The following C20orf96 variants were observed in gnomAD, a reference collection of about 807,000 sequenced individuals.
C20orf96 encodes uncharacterized protein C20orf96.
Under a neutral mutation model 52.6 loss-of-function variants are expected in C20orf96, and 57 were observed. That is an observed-to-expected ratio of 1.08 (90% CI 0.88 to 1.35). The LOEUF (loss-of-function observed/expected upper bound fraction) is 1.35, where lower values mean the gene tolerates loss of function less well. Ranked by LOEUF, C20orf96 falls within the 40% of genes most tolerant of loss-of-function variation. The pLI is 0.00. For missense variants in C20orf96, 478 were observed against 443.6 expected (o/e 1.08, Z -0.70); for synonymous variants, 168 against 157.2 (o/e 1.07, Z -0.51).
intron 4 of C20orf96, among the ~76,000 whole-genome samples, chr20:280,767 G>T (rs2012233426): frequency 6.6e-6 from 1 of 152,214 alleles, no homozygotes; most frequent in Non-Finnish European, 1.5e-5. Flanking sequence ...CCATCTAAGA[G>T]AATCTGGGCA....
At chr20:284,167 A>G in intron 3 of C20orf96, 86 bp from the exon 4 acceptor site, 1 of 944,350 alleles carries the variant, frequency 1.1e-6, no homozygotes, top group East Asian at 2.4e-5. Context: ...CATTAATGAG[A>G]GGAGGGCCAG....
chr20:285,604 C>A (rs1198268454), intron 3 of C20orf96, among the ~76,000 whole-genome samples: 1 of 152,124 alleles, frequency 6.6e-6, no homozygotes, highest in Non-Finnish European at 1.5e-5. Flanking sequence ...GTTTAATACA[C>A]TCTTATTAGC....
rs1260016024 is a variant in C20orf96 at position 283,949 on chromosome 20, G to A, written c.306+14C>T. The A allele has an allele frequency of 1.3e-6, 2 of 1,571,594 alleles. No individual in the cohort carries two copies. The highest frequency in any genetic ancestry group is 1.1e-5 in the South Asian group (1 of 90,220). ...TGTCCTGGGCCCAGTGTCCAGGGAA[G>A]ATGTGCCTCATACCTTCATTAACCA... On this transcript the variant is annotated intron_variant, in intron 4 of 10. Transcript: ENST00000360321.
At chr20:272,452 G>T (rs951943819) in intron 10 of C20orf96, among the ~76,000 whole-genome samples, 12 of 152,150 alleles carry the variant, frequency 7.9e-5, no homozygotes, top group Non-Finnish European at 1.6e-4. Flanking sequence ...CTGCAGCCTG[G>T]AACTCCTCAA....
intron 9 of C20orf96, 50 bp from the exon 10 acceptor site, chr20:276,136 A>G (rs780790822): frequency 5.0e-6 from 8 of 1,610,412 alleles, no homozygotes; most frequent in Non-Finnish European, 4.2e-6. Context: ...ATGGCCCCCA[A>G]CCAAAGGGAG....
At chr20:275,204 G>A (rs1052995451) in intron 10 of C20orf96, among the ~76,000 whole-genome samples, 25 of 152,250 alleles carry the variant, frequency 1.6e-4, no homozygotes, top group East Asian at 5.8e-4. Context: ...GCTCATTATC[G>A]ACTCATGTCC....
At chr20:272,928 C>T (rs1484743995) in intron 10 of C20orf96, among the ~76,000 whole-genome samples, 2 of 152,226 alleles carry the variant, frequency 1.3e-5, no homozygotes, top group Admixed American at 6.5e-5. Flanking sequence ...CTCACACCCA[C>T]TAGAATTCCA....
chr20:271,459 C>T (rs887281849), intron 10 of C20orf96, among the ~76,000 whole-genome samples, 192 bp from the exon 11 acceptor site: 1 of 151,252 alleles, frequency 6.6e-6, no homozygotes, highest in African/African-American at 2.5e-5. Flanking sequence ...CACACACACA[C>T]ACACACACAC....
rs144519838 is a variant in C20orf96 at position 289,508 on chromosome 20, A to T, written c.187+51T>A. ...GTGTCACCAAGAGCCAAAAGCAGCC[A>T]CTCTATCCTGTCTCCAACCCCCACA... On this transcript the variant is annotated intron_variant, in intron 3 of 10. Transcript: ENST00000360321. 1,397 of 1,256,714 alleles carry T rather than the reference A, an allele frequency of 1.1e-3. 10 individuals carry two copies. In the African/African-American group the frequency reaches 0.018, roughly 16 times the overall value. 77.8% of individuals were successfully genotyped at this position (1,256,714 alleles called of 1,614,324 possible).
In C20orf96 at chr20:271,169, A is replaced by G; in HGVS notation, c.*38T>C. On this transcript the variant is annotated 3_prime_UTR_variant, in exon 11 of 11. Coordinates refer to ENST00000360321, the MANE Select transcript of C20orf96 (RefSeq NM_153269.3). ...TGATCCAAGGCTCCAGGTGCTGGGA[A>G]GAGAGCAGGAGGGGAGGGCGGCCCA... The G allele has an allele frequency of 6.6e-7, 1 of 1,516,346 alleles. No individual in the cohort carries two copies. Among genetic ancestry groups the G allele is most frequent in the South Asian group, 1.2e-5 (1 of 83,354 alleles). 93.9% of individuals were successfully genotyped at this position (1,516,346 alleles called of 1,614,324 possible). A position where few individuals can be genotyped will look rare whatever the true frequency, so the allele number is the denominator to read the frequency against.
In C20orf96 at chr20:277,306, T is replaced by C. The variant is rs749120015; in HGVS notation, c.643A>G (p.Met215Val). 2.5e-6 allele frequency: 4 copies of C among 1,614,186 alleles called. No individual in the cohort carries two copies. The highest frequency in any genetic ancestry group is 2.2e-5 in the South Asian group (2 of 91,084). Reference sequence around the variant, plus strand: ...GACTTGATGGAATACTCATGGTCCATGTAAGTGCTCAGGAAGTTCACTTCC... The same window carrying C: ...GACTTGATGGAATACTCATGGTCCACGTAAGTGCTCAGGAAGTTCACTTCC... ...QEEVNFLSTY[M>V]DHEYSIKSVQ... Residue 215 changes from methionine (M) to valine (V), a missense_variant, in exon 7 of 11, where the codon ATG (methionine) becomes GTG (valine). Met to Val is a conservative substitution (Grantham distance 21, BLOSUM62 1). Transcript: ENST00000360321.
At chr20:274,210 G>C (rs6081660) in intron 10 of C20orf96, among the ~76,000 whole-genome samples, 78,903 of 151,504 alleles carry the variant, frequency 0.52, 20,766 homozygotes, top group East Asian at 0.65. Context: ...GAGGGAAAAT[G>C]TGCTTCCTTG....
chr20:278,555 G>C, intron 5 of C20orf96, 126 bp from the exon 6 acceptor site: 2 of 730,792 alleles, frequency 2.7e-6, no homozygotes, highest in Non-Finnish European at 5.0e-6. Context: ...GAGGCTAATC[G>C]GGACAGTAAC....
At chr20:273,275 C>T (rs970195683) in intron 10 of C20orf96, among the ~76,000 whole-genome samples, 2 of 152,198 alleles carry the variant, frequency 1.3e-5, no homozygotes, top group Non-Finnish European at 2.9e-5. Flanking sequence ...ACACCCAGCC[C>T]ACCATGCTCT....
intron 4 of C20orf96, among the ~76,000 whole-genome samples, chr20:280,037 A>C (rs2012211633): frequency 6.6e-6 from 1 of 152,088 alleles, no homozygotes; most frequent in Non-Finnish European, 1.5e-5. Flanking sequence ...CCATGTCTGG[A>C]GGAGAAGCAG....
chr20:279,942 C>G (rs2012208478), intron 4 of C20orf96, among the ~76,000 whole-genome samples: 1 of 152,076 alleles, frequency 6.6e-6, no homozygotes, highest in African/African-American at 2.4e-5. Flanking sequence ...GCTCTCCAGC[C>G]TGGGCGACAG....
rs568412861 is a variant in C20orf96, at chr20:280,105, G to A, written c.307-775C>T. Among the ~76,000 whole-genome samples, 5 of 152,280 alleles carry A rather than the reference G, an allele frequency of 3.3e-5. No individual in the cohort carries two copies. In the South Asian group the frequency reaches 1.0e-3, roughly 32 times the overall value. ...TCCGGGCAGGCCGCGGAGTCAATGA[G>A]TACTCTCATTTCACACAACAGCCCC... On this transcript the variant is annotated intron_variant, in intron 4 of 10. Coordinates refer to ENST00000360321, the MANE Select transcript of C20orf96 (RefSeq NM_153269.3).
At chr20:276,110 G>A (rs200889477) in intron 9 of C20orf96, 24 bp from the exon 10 acceptor site, 618 of 1,602,890 alleles carry the variant, frequency 3.9e-4, no homozygotes, top group Non-Finnish European at 4.9e-4. Flanking sequence ...CACAGCAGGG[G>A]AGAAGGGAGA....
intron 9 of C20orf96, chr20:276,334 G>A (rs1405341277): frequency 1.2e-5 from 12 of 985,288 alleles, no homozygotes; most frequent in Non-Finnish European, 1.4e-5. Context: ...TTACAAAGTG[G>A]CGGGGAATGC....
Sources: allele counts gnomAD v4.1 joint callset (sites outside exome capture counted in the v4.1 genomes callset), GRCh38; gene constraint gnomAD v4.1.1; transcripts MANE v1.5; gene names NCBI Gene and HGNC (gene_info 2026-07-23, HGNC 2026-07-21).